Variants in PSMC3IP observed in about 807,000 individuals in gnomAD.
PSMC3IP encodes homologous-pairing protein 2 homolog.
In PSMC3IP, 26 loss-of-function variants were observed where a neutral mutation model predicts 34.9. That is an observed-to-expected ratio of 0.74 (90% CI 0.55 to 1.03). The LOEUF is 1.03. Among genes scored for constraint, PSMC3IP ranks in the 50% least tolerant of loss-of-function variants. PSMC3IP has a pLI of 0.00. For missense variants in PSMC3IP, 250 were observed against 263.1 expected (o/e 0.95, Z 0.34); for synonymous variants, 87 against 96.5 (o/e 0.90, Z 0.57).
At chr17:42,576,073 C>A (rs2093073808) in intron 3 of PSMC3IP, among the ~76,000 whole-genome samples, 1 of 152,078 alleles carries the variant, frequency 6.6e-6, no homozygotes, top group Non-Finnish European at 1.5e-5. Flanking sequence ...GAAAAAGAAA[C>A]AATTAGCTCG....
chr17:42,573,906 G>C, intron 4 of PSMC3IP, 193 bp downstream of exon 4: 1 of 1,532,162 alleles, frequency 6.5e-7, no homozygotes, highest in Admixed American at 2.0e-5. Context: ...GAGAACAAAT[G>C]CGTATCTTGT....
At position 42,574,112 on chromosome 17, in the gene PSMC3IP, G is replaced by T. The variant is rs2093056890; in HGVS notation, c.324C>A (p.Arg108=). 15 of 1,614,046 alleles carry T rather than the reference G, an allele frequency of 9.3e-6. No individual in the cohort carries two copies. In the East Asian group the frequency reaches 3.3e-4, roughly 36 times the overall value. The change falls in exon 4 of 8, where the codon CGC becomes CGA. Residue 108 remains arginine (R), a synonymous_variant. Transcript: ENST00000393795. The part of the protein sequence containing the change: ...AKVQSLQQSC[R]YMEAELKELS... ...ACCCAGTCCTACCAGCCTCCATGTA[G>T]CGGCAGCTCTGCTGCAAGCTCTGCA...
At chr17:42,576,645 AAAAT>A (rs901732658) in intron 3 of PSMC3IP, 6 of 182,340 alleles carry the variant, frequency 3.3e-5, no homozygotes, top group African/African-American at 1.4e-4. Context: ...AAAAATTAAA[AAAAT>A]AAATAAAAAC....
intron 3 of PSMC3IP, among the ~76,000 whole-genome samples, chr17:42,575,143 A>C (rs112202721): frequency 5.1e-4 from 78 of 152,268 alleles, no homozygotes; most frequent in African/African-American, 1.7e-3. Context: ...ACTGGGGATC[A>C]GTGTGGGGGT....
In PSMC3IP at chr17:42,572,422, CCT is replaced by C. The variant is rs1374026131; in HGVS notation, c.*544_*545del. The C allele has an allele frequency of 4.4e-6, 2 of 454,508 alleles. No individual in the cohort carries two copies. The highest frequency in any genetic ancestry group is 8.8e-6 in the Non-Finnish European group (2 of 226,786). The allele number at this position is 454,508 out of a possible 1,614,324, so 28.2% of individuals were successfully genotyped here. A position where few individuals can be genotyped will look rare whatever the true frequency, so the allele number is the denominator to read the frequency against. On this transcript the variant is annotated 3_prime_UTR_variant, in exon 8 of 8. Coordinates refer to ENST00000393795, the MANE Select transcript of PSMC3IP (RefSeq NM_016556.4). ...ACCCTTTCTGTCAAGCATATCTTGG[CCT>C]CTCCCATGTCTCAGTGTTGCCTGCA...
Position 42,577,695 on chromosome 17 carries a change from C to A in PSMC3IP, c.-9G>T, listed in dbSNP as rs746884002. The A allele has an allele frequency of 4.3e-6, 7 of 1,613,926 alleles. No homozygotes were observed. The South Asian group carries it at 7.7e-5, about 18-fold the overall frequency. ...GCCCGGCCTTTACTCATCGCCTTTC[C>A]CGCCACCCAACTCAGAAAGCCGGAC... On this transcript the variant is annotated 5_prime_UTR_variant, in exon 1 of 8. Coordinates refer to ENST00000393795, the MANE Select transcript of PSMC3IP (RefSeq NM_016556.4).
chr17:42,573,705 TC>T, intron 4 of PSMC3IP, 82 bp from the exon 5 acceptor site: 1 of 1,565,338 alleles, frequency 6.4e-7, no homozygotes, highest in Non-Finnish European at 8.8e-7. Context: ...CCTGAGGTGT[TC>T]CACCTTGCTC....
At position 42,572,934 on chromosome 17, in the gene PSMC3IP, C is replaced by A. The variant is rs1191522298; in HGVS notation, c.*34G>T. 4 of 1,610,838 alleles carry A rather than the reference C, an allele frequency of 2.5e-6. No individual in the cohort carries two copies. The Admixed American group carries it at 6.7e-5, about 27-fold the overall frequency. On this transcript the variant is annotated 3_prime_UTR_variant, in exon 8 of 8. Coordinates refer to ENST00000393795, the MANE Select transcript of PSMC3IP (RefSeq NM_016556.4). ...GCAAGACATCTCACTCTTCTGACAT[C>A]CTGCAGTCCCCACCAGTCCTGACCG... is the stretch of plus-strand genomic sequence containing the variant.
rs965108006 is a variant in PSMC3IP, at chr17:42,572,537, G to T, written c.*431C>A. ...GGTACACAAGCCCAGCAGGTCCTGA[G>T]TGAAGCCGTGGGCCCTCCAAATGCT... is the stretch of plus-strand genomic sequence containing the variant. On this transcript the variant is annotated 3_prime_UTR_variant, in exon 8 of 8. Coordinates refer to ENST00000393795, the MANE Select transcript of PSMC3IP (RefSeq NM_016556.4). 3 of 454,062 alleles carry T rather than the reference G, an allele frequency of 6.6e-6. No homozygotes were observed. The highest frequency in any genetic ancestry group is 1.3e-5 in the Non-Finnish European group (3 of 226,654). 28.1% of individuals were successfully genotyped at this position (454,062 alleles called of 1,614,324 possible). A position where few individuals can be genotyped will look rare whatever the true frequency, so the allele number is the denominator to read the frequency against.
At chr17:42,576,963 AAG>A in intron 3 of PSMC3IP, 1 of 780,184 alleles carries the variant, frequency 1.3e-6, no homozygotes, top group South Asian at 1.8e-5. Context: ...GATAAGGAAT[AAG>A]AGCTTTGGAG....
chr17:42,577,145 T>C, intron 3 of PSMC3IP, 68 bp downstream of exon 3: 1 of 1,610,296 alleles, frequency 6.2e-7, no homozygotes, highest in Non-Finnish European at 8.5e-7. Context: ...CCCAAAGAGT[T>C]CACACCAGGA....
In PSMC3IP at chr17:42,577,560, G is replaced by A. The variant is rs2093083978; in HGVS notation, c.36C>T (p.Ala12=). The A allele has an allele frequency of 9.9e-6, 16 of 1,614,028 alleles. No individual in the cohort carries two copies. In the East Asian group the frequency reaches 3.3e-4, roughly 34 times the overall value. Reference sequence around the variant, plus strand: ...GCAGGTACCTCAGGAGGATCCCGGCGGCTACGGAGAGAAAGGCAGGGGAGG... The same window carrying A: ...GCAGGTACCTCAGGAGGATCCCGGCAGCTACGGAGAGAAAGGCAGGGGAGG... The part of the protein sequence containing the change: ...SKGRAEAAAG[A]AGILLRYLQE... Residue 12 remains alanine, a splice_region_variant and synonymous_variant, in exon 2 of 8, where the codon GCC becomes GCT. Transcript: ENST00000393795.
Position 42,577,723 on chromosome 17 carries a change from T to G in PSMC3IP, c.-37A>C, listed in dbSNP as rs199620968. 1.2e-6 allele frequency: 2 copies of G among 1,613,328 alleles called. No homozygotes were observed. Among genetic ancestry groups the G allele is most frequent in the Non-Finnish European group, 1.7e-6 (2 of 1,179,378 alleles). ...CCACCCAACTCAGAAAGCCGGACGT[T>G]GTAGTTGCTCGGGGCGACGGCTCCT... is the stretch of plus-strand genomic sequence containing the variant. On this transcript the variant is annotated 5_prime_UTR_variant, in exon 1 of 8. Coordinates refer to ENST00000393795, the MANE Select transcript of PSMC3IP (RefSeq NM_016556.4).
At chr17:42,576,989 T>C (rs1597726925) in intron 3 of PSMC3IP, 1 of 1,092,150 alleles carries the variant, frequency 9.2e-7, no homozygotes, top group Non-Finnish European at 1.3e-6. Context: ...AAATGGATCT[T>C]GGTAGCAACA....
intron 3 of PSMC3IP, chr17:42,576,806 A>G: frequency 3.2e-6 from 1 of 317,192 alleles, no homozygotes; most frequent in South Asian, 2.6e-5. Context: ...GAGGCATTCT[A>G]CTGTGGCAAT....
intron 3 of PSMC3IP, among the ~76,000 whole-genome samples, chr17:42,575,306 G>C (rs1455075636): frequency 6.6e-6 from 1 of 152,172 alleles, no homozygotes; most frequent in Non-Finnish European, 1.5e-5. Context: ...GCATGTTTTT[G>C]AAAACAAAAT....
At chr17:42,573,866 T>G (rs1252369330) in intron 4 of PSMC3IP, 11 of 1,531,834 alleles carry the variant, frequency 7.2e-6, no homozygotes, top group Non-Finnish European at 9.6e-6. Context: ...AAGGGAAACG[T>G]GGGGACAGTG....
At chr17:42,574,017 A>G (rs780796047) in intron 4 of PSMC3IP, 82 bp downstream of exon 4, 1 of 1,580,122 alleles carries the variant, frequency 6.3e-7, no homozygotes, top group Non-Finnish European at 8.6e-7. Flanking sequence ...TGCTGCAGTC[A>G]TTGAACCATT....
At chr17:42,576,969 T>G (rs2093079214) in intron 3 of PSMC3IP, 1 of 855,650 alleles carries the variant, frequency 1.2e-6, no homozygotes, top group Non-Finnish European at 1.7e-6. Context: ...GAATAAGAGC[T>G]TTGGAGCGGA....
Sources: gnomAD v4.1 joint callset for allele counts (sites outside exome capture counted in the v4.1 genomes callset) on GRCh38, gnomAD v4.1.1 for gene constraint, MANE v1.5 for transcripts, NCBI Gene and HGNC (gene_info 2026-07-23, HGNC 2026-07-21) for gene names.